The following MEI4 variants were observed in gnomAD, a reference collection of about 807,000 sequenced individuals.
MEI4 encodes the protein meiosis-specific protein MEI4.
MEI4 carries 27 observed loss-of-function variants against 31.4 expected under a neutral mutation model. The observed-to-expected ratio is 0.86, with a 90% CI of 0.63 to 1.19. The LOEUF is 1.19. Ranked by LOEUF, MEI4 falls within the 50% of genes most tolerant of loss-of-function variation. The probability of loss-of-function intolerance (pLI) is 0.00; values close to 1 mark genes in which losing one functional copy is unlikely to be tolerated. For missense variants in MEI4, 329 were observed against 398.9 expected, an observed-to-expected ratio of 0.82 and a Z score of 1.49; for synonymous variants, 122 against 145.4, an observed-to-expected ratio of 0.84 and a Z score of 1.16.
intron 1 of MEI4, among the ~76,000 whole-genome samples, chr6:77,662,961 G>A (rs563136703): frequency 1.3e-5 from 2 of 152,326 alleles, no homozygotes; most frequent in East Asian, 1.9e-4. Context: ...AGCTTGATGG[G>A]TGTCAGGGTC....
At chr6:77,762,705 A>G (rs1768073235) in intron 3 of MEI4, among the ~76,000 whole-genome samples, 1 of 152,182 alleles carries the variant, frequency 6.6e-6, no homozygotes, top group South Asian at 2.1e-4. Context: ...TTTCATGTAC[A>G]GCTGTTCTTT....
chr6:77,851,622 G>T (rs12526572), intron 4 of MEI4, among the ~76,000 whole-genome samples: 9,213 of 125,348 alleles, frequency 0.073, 466 homozygotes, highest in Non-Finnish European at 0.11. Flanking sequence ...ATCACATACT[G>T]GGGCCTGTTT....
intron 4 of MEI4, among the ~76,000 whole-genome samples, chr6:77,873,733 T>A: frequency 6.6e-6 from 1 of 152,196 alleles, no homozygotes. Flanking sequence ...TTTTTATGGT[T>A]TTAGGTCTAA....
intron 3 of MEI4, among the ~76,000 whole-genome samples, chr6:77,788,764 A>G (rs1582143101): frequency 6.6e-6 from 1 of 152,340 alleles, no homozygotes; most frequent in East Asian, 1.9e-4. Flanking sequence ...GGATACAAAG[A>G]AATGGAAGAA....
chr6:77,858,381 T>C (rs2127720237), intron 4 of MEI4, among the ~76,000 whole-genome samples: 1 of 152,256 alleles, frequency 6.6e-6, no homozygotes, highest in Non-Finnish European at 1.5e-5. Context: ...AATAATATTA[T>C]TCAAAAAATA....
chr6:77,732,711 T>G (rs1767045662), intron 2 of MEI4, among the ~76,000 whole-genome samples: 1 of 152,080 alleles, frequency 6.6e-6, no homozygotes, highest in African/African-American at 2.4e-5. Context: ...GTGCCAGTTT[T>G]CAAAGGGAAT....
chr6:77,828,839 C>G, intron 3 of MEI4, 92 bp from the exon 4 acceptor site: 1 of 942,096 alleles, frequency 1.1e-6, no homozygotes, highest in Non-Finnish European at 1.4e-6. Flanking sequence ...TTTTTATATT[C>G]CTCACAGCAT....
intron 1 of MEI4, among the ~76,000 whole-genome samples, chr6:77,683,177 G>A (rs952920216): frequency 6.6e-6 from 1 of 152,084 alleles, no homozygotes; most frequent in Non-Finnish European, 1.5e-5. Flanking sequence ...AAATTGATTG[G>A]TGCAGAGCTC....
intron 3 of MEI4, among the ~76,000 whole-genome samples, chr6:77,788,080 C>A (rs569270056): frequency 6.6e-6 from 1 of 151,996 alleles, no homozygotes; most frequent in South Asian, 2.1e-4. Flanking sequence ...GGAATGGTAC[C>A]AGCAGGGCTG....
chr6:77,842,285 G>T (rs1216863090), intron 4 of MEI4, among the ~76,000 whole-genome samples: 1 of 151,980 alleles, frequency 6.6e-6, no homozygotes, highest in Non-Finnish European at 1.5e-5. Context: ...CAACAATTTG[G>T]AAATAAACAG....
At chr6:77,684,169 T>G (rs935625570) in intron 1 of MEI4, among the ~76,000 whole-genome samples, 9 of 144,476 alleles carry the variant, frequency 6.2e-5, no homozygotes, top group Admixed American at 2.2e-4. Flanking sequence ...TTCATATGTC[T>G]TCTTTTGAGA....
chr6:77,667,953 A>G (rs1358973490), intron 1 of MEI4, among the ~76,000 whole-genome samples: 13 of 148,884 alleles, frequency 8.7e-5, no homozygotes, highest in Non-Finnish European at 1.8e-4. Flanking sequence ...CTATAGATCT[A>G]GCTTAAAAAA....
chr6:77,828,791 T>C (rs954242527), intron 3 of MEI4, 140 bp from the exon 4 acceptor site: 6 of 519,484 alleles, frequency 1.2e-5, no homozygotes, highest in Admixed American at 8.8e-5. Context: ...GTGTATTTTA[T>C]GGTTGTTCTT....
chr6:77,709,126 A>G (rs1263381296), intron 2 of MEI4, among the ~76,000 whole-genome samples: 1 of 152,126 alleles, frequency 6.6e-6, no homozygotes, highest in Non-Finnish European at 1.5e-5. Context: ...CAATTTTCTC[A>G]TATTAGGAGA....
chr6:77,818,819 C>A (rs1350781418), intron 3 of MEI4, among the ~76,000 whole-genome samples: 1 of 152,124 alleles, frequency 6.6e-6, no homozygotes, highest in East Asian at 1.9e-4. Flanking sequence ...CAGCTTGGAA[C>A]TCCTGGGCTC....
intron 2 of MEI4, among the ~76,000 whole-genome samples, chr6:77,752,915 T>C (rs1259838944): frequency 6.6e-6 from 1 of 152,070 alleles, no homozygotes; most frequent in East Asian, 1.9e-4. Flanking sequence ...TATAGACCAG[T>C]GGAACAGAAC....
intron 4 of MEI4, among the ~76,000 whole-genome samples, chr6:77,854,336 A>T (rs77129797): frequency 2.6e-5 from 4 of 151,186 alleles, no homozygotes; most frequent in African/African-American, 7.3e-5. Context: ...CTTAAAAAAA[A>T]CAAAACCAAA....
chr6:77,828,884 T>G, intron 3 of MEI4, 47 bp from the exon 4 acceptor site: 1 of 1,223,172 alleles, frequency 8.2e-7, no homozygotes, highest in Non-Finnish European at 1.0e-6. Flanking sequence ...AAATACATTT[T>G]GATTTGACGT....
At chr6:77,730,018 T>C (rs1766932025) in intron 2 of MEI4, among the ~76,000 whole-genome samples, 1 of 151,750 alleles carries the variant, frequency 6.6e-6, no homozygotes, top group Non-Finnish European at 1.5e-5. Flanking sequence ...GGCCAAGAGC[T>C]GAGGTCAAAG....
Sources: allele counts gnomAD v4.1 joint callset (sites outside exome capture counted in the v4.1 genomes callset), GRCh38; gene constraint gnomAD v4.1.1; transcripts MANE v1.5; gene names NCBI Gene and HGNC (gene_info 2026-07-23, HGNC 2026-07-21).